TRIM24: variants seen among roughly 807,000 people sequenced by gnomAD.
The protein encoded by TRIM24 is transcription intermediary factor 1-alpha.
In TRIM24, 29 loss-of-function variants were observed where a neutral mutation model predicts 123.9. The ratio of observed to expected loss-of-function variants is 0.23; its 90% CI spans 0.17 to 0.32. The LOEUF (loss-of-function observed/expected upper bound fraction) is 0.32, where lower values mean the gene tolerates loss of function less well. Among genes scored for constraint, TRIM24 ranks in the 10% least tolerant of loss-of-function variants. The pLI is 1.00. For synonymous variants in TRIM24, 456 were observed against 461.1 expected (o/e 0.99, Z 0.14); for missense variants, 932 against 1,295.3 (o/e 0.72, Z 4.31).
chr7:138,498,414 A>G (rs199573225), intron 1 of TRIM24, among the ~76,000 whole-genome samples: 1 of 151,230 alleles, frequency 6.6e-6, no homozygotes, highest in South Asian at 2.1e-4. Flanking sequence ...TAGTAGAGAC[A>G]GGGTTTCACC....
At chr7:138,480,509 G>A (rs1442076279) in intron 1 of TRIM24, among the ~76,000 whole-genome samples, 1 of 152,116 alleles carries the variant, frequency 6.6e-6, no homozygotes, top group Non-Finnish European at 1.5e-5. Flanking sequence ...TTATTGCTGT[G>A]TATTGGAAAT....
Position 138,584,650 on chromosome 7 carries a change from A to T in TRIM24, c.2944-92A>T, listed in dbSNP as rs968883915. ...TAAACTATTATTTCAATGACTATGC[A>T]TGAACACTTTTCAAAACAGCTCATT... On this transcript the variant is annotated intron_variant, in intron 18 of 18. Coordinates refer to ENST00000343526, the MANE Select transcript of TRIM24 (RefSeq NM_015905.3). 5 of 1,008,500 alleles carry T rather than the reference A, an allele frequency of 5.0e-6. No homozygotes were observed. In the African/African-American group the frequency reaches 6.6e-5, roughly 13 times the overall value. 62.5% of individuals were successfully genotyped at this position (1,008,500 alleles called of 1,614,324 possible).
At chr7:138,560,328 C>G (rs1797400064) in intron 9 of TRIM24, among the ~76,000 whole-genome samples, 1 of 152,178 alleles carries the variant, frequency 6.6e-6, no homozygotes, top group South Asian at 2.1e-4. Context: ...CAAGGGCAGT[C>G]CAAATCTGGT....
intron 7 of TRIM24, among the ~76,000 whole-genome samples, chr7:138,539,798 A>G (rs572819983): frequency 5.5e-5 from 8 of 144,870 alleles, no homozygotes; most frequent in African/African-American, 2.0e-4. Context: ...TCAATTAAGT[A>G]ATCTTTTTTT....
chr7:138,570,259 CA>C (rs1563064225), intron 10 of TRIM24, among the ~76,000 whole-genome samples: 1 of 152,066 alleles, frequency 6.6e-6, no homozygotes, highest in Non-Finnish European at 1.5e-5. Context: ...TCATGTTTTT[CA>C]ATAGGTTTTG....
chr7:138,528,355 T>C (rs571217681), intron 5 of TRIM24, among the ~76,000 whole-genome samples: 1 of 152,198 alleles, frequency 6.6e-6, no homozygotes, highest in Non-Finnish European at 1.5e-5. Context: ...GGGGGAGTGC[T>C]GGGAGAGTCT....
intron 11 of TRIM24, among the ~76,000 whole-genome samples, chr7:138,571,278 G>T (rs770221931): frequency 1.8e-4 from 27 of 152,206 alleles, no homozygotes; most frequent in Non-Finnish European, 3.8e-4. Flanking sequence ...TAGCCTAACA[G>T]AGCGAGACCC....
chr7:138,523,750 CAAAAAAAAAA>C (rs756103684), intron 4 of TRIM24, among the ~76,000 whole-genome samples: 5 of 57,236 alleles, frequency 8.7e-5, no homozygotes, highest in Admixed American at 3.9e-4. Flanking sequence ...GACTCCGTCT[CAAAAAAAAAA>C]AAAAAAAAAA....
intron 1 of TRIM24, among the ~76,000 whole-genome samples, chr7:138,480,694 C>A (rs1321620964): frequency 6.6e-6 from 1 of 152,100 alleles, no homozygotes; most frequent in Non-Finnish European, 1.5e-5. Context: ...GGTGAACGCT[C>A]AAGTTAACTT....
chr7:138,506,660 A>T (rs915491074), intron 2 of TRIM24, among the ~76,000 whole-genome samples: 1 of 152,214 alleles, frequency 6.6e-6, no homozygotes, highest in African/African-American at 2.4e-5. Flanking sequence ...ATTAGTTTTC[A>T]GTACGTTTAT....
At chr7:138,498,028 A>G (rs1795952708) in intron 1 of TRIM24, among the ~76,000 whole-genome samples, 1 of 136,342 alleles carries the variant, frequency 7.3e-6, no homozygotes, top group South Asian at 2.3e-4. Context: ...TTACTTATTT[A>G]TTTATTTTTT....
At chr7:138,533,435 A>G (rs532267504) in intron 6 of TRIM24, among the ~76,000 whole-genome samples, 2 of 152,288 alleles carry the variant, frequency 1.3e-5, no homozygotes, top group African/African-American at 4.8e-5. Context: ...GGGCTGTTGA[A>G]TTTTGTCAAA....
chr7:138,492,917 A>AT (rs1208510129), intron 1 of TRIM24, among the ~76,000 whole-genome samples: 2 of 152,016 alleles, frequency 1.3e-5, no homozygotes, highest in East Asian at 1.9e-4. Flanking sequence ...GGTTCTGTTA[A>AT]TTTTTTCTTT....
rs1339328241 is a variant in TRIM24 at position 138,576,487 on chromosome 7, T to G, written c.2087+42T>G. 6 of 1,561,416 alleles carry G rather than the reference T, an allele frequency of 3.8e-6. No homozygotes were observed. The Admixed American group carries it at 6.7e-5, about 17-fold the overall frequency. On this transcript the variant is annotated intron_variant, in intron 13 of 18. Transcript: ENST00000343526. ...ATATTTTCTAGTATATAAAAATCTC[T>G]AATTAGATTTCTTTTGCCAGTGTTC... is the stretch of plus-strand genomic sequence containing the variant.
chr7:138,518,647 T>C (rs748360255), intron 3 of TRIM24, among the ~76,000 whole-genome samples: 44 of 152,300 alleles, frequency 2.9e-4, no homozygotes, highest in Non-Finnish European at 5.6e-4. Context: ...TTCCTCCCTC[T>C]TTTTCCATCT....
intron 1 of TRIM24, among the ~76,000 whole-genome samples, chr7:138,486,391 T>G (rs1209861892): frequency 6.7e-6 from 1 of 149,964 alleles, no homozygotes; most frequent in Admixed American, 6.7e-5. Flanking sequence ...TTTTGGTGTT[T>G]TAGTCATGAA....
chr7:138,518,758 C>G (rs1796449185), intron 3 of TRIM24, among the ~76,000 whole-genome samples: 1 of 152,156 alleles, frequency 6.6e-6, no homozygotes, highest in African/African-American at 2.4e-5. Context: ...AACTCAGCTT[C>G]CTGAATAGCT....
intron 1 of TRIM24, among the ~76,000 whole-genome samples, chr7:138,481,053 T>G (rs1417301821): frequency 1.3e-5 from 2 of 152,116 alleles, no homozygotes; most frequent in Non-Finnish European, 2.9e-5. Context: ...AGTGCAATGG[T>G]GTGATCTCAG....
chr7:138,538,467 C>T (rs1352037865), intron 6 of TRIM24, among the ~76,000 whole-genome samples, 190 bp from the exon 7 acceptor site: 1 of 152,076 alleles, frequency 6.6e-6, no homozygotes, highest in African/African-American at 2.4e-5. Context: ...AGTGAGGGGC[C>T]ACATTGGGAT....
Sources: gnomAD v4.1 joint callset for allele counts (sites outside exome capture counted in the v4.1 genomes callset) on GRCh38, gnomAD v4.1.1 for gene constraint, MANE v1.5 for transcripts, NCBI Gene and HGNC (gene_info 2026-07-23, HGNC 2026-07-21) for gene names.